MYLK: variants seen among roughly 807,000 people sequenced by gnomAD.
MYLK encodes myosin light chain kinase.
Under a neutral mutation model 203.4 loss-of-function variants are expected in MYLK, and 106 were observed. The observed-to-expected ratio is 0.52, with a 90% CI of 0.45 to 0.61. MYLK has a LOEUF of 0.61. Ranked by LOEUF, MYLK falls within the 20% of genes least tolerant of loss-of-function variation. The probability of loss-of-function intolerance (pLI) is 0.00; values close to 1 mark genes in which losing one functional copy is unlikely to be tolerated. For missense variants in MYLK, 2,072 were observed against 2,442.3 expected (o/e 0.85, Z 3.20); for synonymous variants, 867 against 959.5 (o/e 0.90, Z 1.78).
intron 20 of MYLK, among the ~76,000 whole-genome samples, chr3:123,671,546 C>T (rs2059912943): frequency 6.6e-6 from 1 of 152,074 alleles, no homozygotes; most frequent in South Asian, 2.1e-4. Flanking sequence ...GAGTGAGAGA[C>T]GGTGATGCTG....
Position 123,876,195 on chromosome 3 carries a change from A to T in MYLK, c.-127+364T>A, listed in dbSNP as rs541175213. Among the ~76,000 whole-genome samples, 437 of 151,882 alleles carry T rather than the reference A, an allele frequency of 2.9e-3. 5 individuals are homozygous for T. The highest frequency in any genetic ancestry group is 0.012 in the South Asian group (56 of 4,816). On this transcript the variant is annotated intron_variant, in intron 2 of 33. Coordinates refer to ENST00000360304, the MANE Select transcript of MYLK (RefSeq NM_053025.4). ...AAAGTCACTGGGGTATTTTTTTTTT[A>T]AAAAAACTATACATTATGACTAAGT...
In MYLK at chr3:123,760,154, C is replaced by A. The variant is rs2108921818; in HGVS notation, c.166-7616G>T. Among the ~76,000 whole-genome samples the A allele has an allele frequency of 2.0e-5, 3 of 152,210 alleles. No homozygotes were observed. The South Asian group carries it at 6.2e-4, about 32-fold the overall frequency. On this transcript the variant is annotated intron_variant, in intron 4 of 33. Coordinates refer to ENST00000360304, the MANE Select transcript of MYLK (RefSeq NM_053025.4). ...GTGCAGATGATATCAGAATCTACTT[C>A]CATGGAGAAGTATGTATGTATGTAT... is the stretch of plus-strand genomic sequence containing the variant.
intron 2 of MYLK, among the ~76,000 whole-genome samples, chr3:123,850,078 C>A (rs113102058): frequency 2.6e-5 from 4 of 152,054 alleles, no homozygotes; most frequent in Non-Finnish European, 5.9e-5. Context: ...TAAACTCATC[C>A]TTTTTTATGG....
At position 123,741,721 on chromosome 3, in the gene MYLK, T is replaced by C. The variant is rs1266490506; in HGVS notation, c.374-1720A>G. ...CTATTCACTTTTATCTTATTTGTAA[T>C]AGTGAAAGTTAGAAGCAACATAAAT... On this transcript the variant is annotated intron_variant, in intron 5 of 33. Coordinates refer to ENST00000360304, the MANE Select transcript of MYLK (RefSeq NM_053025.4). 1.3e-4 allele frequency among the ~76,000 whole-genome samples: 20 copies of C among 152,220 alleles called. 1 individual carries two copies. Among genetic ancestry groups the C allele is most frequent in the Admixed American group, 1.2e-3 (18 of 15,290 alleles).
intron 3 of MYLK, among the ~76,000 whole-genome samples, chr3:123,810,215 G>A (rs2065509346): frequency 6.6e-6 from 1 of 152,190 alleles, no homozygotes; most frequent in Non-Finnish European, 1.5e-5. Flanking sequence ...TGCTGTAGGT[G>A]AAACGCGGAC....
intron 4 of MYLK, among the ~76,000 whole-genome samples, chr3:123,785,196 T>A (rs1560213777): frequency 6.6e-6 from 1 of 152,202 alleles, no homozygotes; most frequent in African/African-American, 2.4e-5. Context: ...CCCTCTCACG[T>A]TTTTAGCGCA....
chr3:123,687,014 G>A (rs1458080451), intron 19 of MYLK, among the ~76,000 whole-genome samples: 5 of 152,144 alleles, frequency 3.3e-5, no homozygotes, highest in Non-Finnish European at 5.9e-5. Context: ...CTGAGGTCAG[G>A]AGTTTGAGAC....
intron 20 of MYLK, 107 bp from the exon 21 acceptor site, chr3:123,667,294 G>C: frequency 9.2e-7 from 1 of 1,085,922 alleles, no homozygotes; most frequent in Non-Finnish European, 1.4e-6. Context: ...ATCCAGGGAG[G>C]ACTCTTATTT....
chr3:123,752,660 T>C (rs921567940), intron 4 of MYLK, 122 bp from the exon 5 acceptor site: 5 of 1,002,402 alleles, frequency 5.0e-6, no homozygotes, highest in Non-Finnish European at 7.5e-6. Context: ...CCCCATTTCA[T>C]CCTCATTTTA....
chr3:123,666,419 T>A, intron 21 of MYLK, 73 bp from the exon 22 acceptor site: 1 of 1,603,402 alleles, frequency 6.2e-7, no homozygotes, highest in Non-Finnish European at 8.5e-7. Context: ...GACGCCATTG[T>A]CCACAGTGGT....
chr3:123,672,369 T>G (rs1011273796), intron 20 of MYLK, among the ~76,000 whole-genome samples: 3 of 152,120 alleles, frequency 2.0e-5, no homozygotes, highest in African/African-American at 7.2e-5. Flanking sequence ...ACCTCGATCT[T>G]GGACTTCTAG....
At chr3:123,815,631 A>C (rs1447280267) in intron 3 of MYLK, among the ~76,000 whole-genome samples, 1 of 152,068 alleles carries the variant, frequency 6.6e-6, no homozygotes, top group Non-Finnish European at 1.5e-5. Flanking sequence ...AGAGCCTCTA[A>C]AGCCCTATCT....
At chr3:123,638,906 TCTTG>T in intron 28 of MYLK, 1 of 985,428 alleles carries the variant, frequency 1.0e-6, no homozygotes. Context: ...CTATGCCTGG[TCTTG>T]CTTAACTTCG....
At chr3:123,652,184 T>G (rs571419456) in intron 24 of MYLK, among the ~76,000 whole-genome samples, 1 of 152,034 alleles carries the variant, frequency 6.6e-6, no homozygotes, top group Non-Finnish European at 1.5e-5. Flanking sequence ...GAGAGAGAAG[T>G]AGAGGAAAGA....
intron 4 of MYLK, among the ~76,000 whole-genome samples, chr3:123,780,596 G>C (rs978011266): frequency 6.6e-6 from 1 of 152,202 alleles, no homozygotes; most frequent in Non-Finnish European, 1.5e-5. Flanking sequence ...CCAAGCACAT[G>C]ATACCAGAAC....
chr3:123,717,050 A>T (rs2061920858), intron 13 of MYLK, among the ~76,000 whole-genome samples: 1 of 152,206 alleles, frequency 6.6e-6, no homozygotes, highest in Admixed American at 6.5e-5. Flanking sequence ...TAAGCTTCTT[A>T]ATATATATAA....
At chr3:123,799,358 CG>C (rs1278007947) in intron 3 of MYLK, among the ~76,000 whole-genome samples, 1 of 152,058 alleles carries the variant, frequency 6.6e-6, no homozygotes, top group African/African-American at 2.4e-5. Context: ...TCAACTACAG[CG>C]AAAAGAGATT....
chr3:123,696,748 GC>G (rs5852351), intron 18 of MYLK, among the ~76,000 whole-genome samples: 22,372 of 152,146 alleles, frequency 0.15, 2,196 homozygotes, highest in East Asian at 0.44. Context: ...TCTTCAGTAG[GC>G]TCTGTATTTG....
intron 2 of MYLK, among the ~76,000 whole-genome samples, chr3:123,841,649 C>T (rs2066594734): frequency 6.6e-6 from 1 of 152,098 alleles, no homozygotes; most frequent in South Asian, 2.1e-4. Context: ...TCTAGCCTTT[C>T]TTTCCACTCA....
Sources: allele counts gnomAD v4.1 joint callset (sites outside exome capture counted in the v4.1 genomes callset), GRCh38; gene constraint gnomAD v4.1.1; transcripts MANE v1.5; gene names NCBI Gene and HGNC (gene_info 2026-07-23, HGNC 2026-07-21).